The following DDX59 variants were observed in gnomAD, a reference collection of about 807,000 sequenced individuals.
The protein encoded by DDX59 is DEAD-box helicase 59.
A neutral mutation model predicts 51.9 loss-of-function variants in DDX59; 30 were observed. The ratio of observed to expected loss-of-function variants is 0.58; its 90% confidence interval spans 0.43 to 0.78. DDX59 has a LOEUF of 0.78. Ranked by LOEUF, DDX59 falls within the 30% of genes least tolerant of loss-of-function variation. The pLI, the probability that DDX59 is intolerant of heterozygous loss-of-function variation, is 0.00. For missense variants in DDX59, 672 were observed against 730.8 expected, an observed-to-expected ratio of 0.92 and a Z score of 0.93; for synonymous variants, 255 against 253.3, an observed-to-expected ratio of 1.01 and a Z score of -0.06.
At chr1:200,655,789 TC>T (rs546675730) in intron 4 of DDX59, among the ~76,000 whole-genome samples, 36 of 152,248 alleles carry the variant, frequency 2.4e-4, no homozygotes, top group Admixed American at 2.0e-3. Flanking sequence ...CATTTCTCCT[TC>T]TGACCTTATT....
chr1:200,649,010 A>C (rs1442060377), intron 6 of DDX59, 64 bp downstream of exon 6: 1 of 1,436,586 alleles, frequency 7.0e-7, no homozygotes, highest in Non-Finnish European at 9.2e-7. Flanking sequence ...TAATATGGTT[A>C]TCTCTTGAAA....
chr1:200,647,861 T>C (rs1302850197), intron 7 of DDX59, among the ~76,000 whole-genome samples: 3 of 151,280 alleles, frequency 2.0e-5, no homozygotes, highest in African/African-American at 7.3e-5. Context: ...GTAATCCAAG[T>C]TACTTGGGAG....
chr1:200,652,744 C>G (rs2102868081), intron 4 of DDX59, among the ~76,000 whole-genome samples: 1 of 150,014 alleles, frequency 6.7e-6, no homozygotes, highest in East Asian at 2.0e-4. Context: ...TCATGGCTCA[C>G]TGCAACTTCT....
chr1:200,656,817 G>A (rs748675059), intron 4 of DDX59, among the ~76,000 whole-genome samples: 2 of 152,198 alleles, frequency 1.3e-5, no homozygotes, highest in South Asian at 2.1e-4. Flanking sequence ...ACTTTGGGAG[G>A]CCAAGGCAGG....
At chr1:200,659,199 T>C in intron 3 of DDX59, 83 bp from the exon 4 acceptor site, 1 of 1,048,198 alleles carries the variant, frequency 9.5e-7, no homozygotes, top group Non-Finnish European at 1.5e-6. Context: ...GAGCAACTAA[T>C]ATGTACCAGA....
At chr1:200,652,559 G>A (rs554607971) in intron 4 of DDX59, among the ~76,000 whole-genome samples, 11 of 152,006 alleles carry the variant, frequency 7.2e-5, no homozygotes, top group Non-Finnish European at 1.3e-4. Flanking sequence ...AGTAGAGATG[G>A]GGTTTTGCTA....
At chr1:200,641,558 C>A (rs3924332), downstream of DDX59, among the ~76,000 whole-genome samples, 10,675 of 151,596 alleles carry the variant, frequency 0.07, 399 homozygotes, top group South Asian at 0.1. Context: ...CATGGTGAAA[C>A]CTTGTCTCTA....
intron 5 of DDX59, among the ~76,000 whole-genome samples, chr1:200,649,521 C>T (rs569878838): frequency 1.3e-5 from 2 of 148,636 alleles, no homozygotes; most frequent in South Asian, 2.2e-4. Context: ...CCCAGCTACT[C>T]GGGAGGCTGA....
intron 5 of DDX59, among the ~76,000 whole-genome samples, chr1:200,649,843 C>CT (rs777404977): frequency 0.018 from 2,472 of 140,000 alleles, 89 homozygotes; most frequent in African/African-American, 0.057. Flanking sequence ...TAACTTAATA[C>CT]TTTTTTTTTT....
At chr1:200,653,378 G>A (rs555331105) in intron 4 of DDX59, among the ~76,000 whole-genome samples, 17 of 152,240 alleles carry the variant, frequency 1.1e-4, no homozygotes, top group African/African-American at 4.1e-4. Flanking sequence ...TATTTCATCT[G>A]TTCTCTTTAC....
At chr1:200,659,828 C>A (rs1310019813) in intron 3 of DDX59, among the ~76,000 whole-genome samples, 3 of 152,080 alleles carry the variant, frequency 2.0e-5, no homozygotes, top group African/African-American at 7.2e-5. Flanking sequence ...ACTAGGATTA[C>A]AGGCATGCCA....
downstream of DDX59, among the ~76,000 whole-genome samples, chr1:200,641,897 G>C (rs1222164750): frequency 6.6e-6 from 1 of 152,180 alleles, no homozygotes; most frequent in Non-Finnish European, 1.5e-5. Flanking sequence ...CAGCTACTCA[G>C]GAGGCTGAGG....
At chr1:200,651,139 C>A (rs886759943) in intron 4 of DDX59, among the ~76,000 whole-genome samples, 3 of 151,738 alleles carry the variant, frequency 2.0e-5, no homozygotes, top group Non-Finnish European at 4.4e-5. Context: ...ATTGCTAATA[C>A]CAGGGAGAAG....
Position 200,666,413 on chromosome 1 carries a change from CA to C in DDX59, c.327del (p.Val110SerfsTer53). ...RWAEPGEPIC[V>X]VCGRYGEYIC... Reference sequence around the variant, plus strand: ...ATATACTCTCCATAACGACCACAGACAACACAGATGGGTTCCCCTGGTTCTG... The same window carrying C: ...ATATACTCTCCATAACGACCACAGACACACAGATGGGTTCCCCTGGTTCTG... On this transcript the variant is annotated frameshift_variant, in exon 2 of 8. Transcript: ENST00000331314. LOFTEE classifies it high-confidence loss of function. 6.2e-7 allele frequency: 1 copy of C among 1,614,226 alleles called. No homozygotes were observed. The highest frequency in any genetic ancestry group is 8.5e-7 in the Non-Finnish European group (1 of 1,180,044).
chr1:200,654,209 C>T (rs1356740161), intron 4 of DDX59, among the ~76,000 whole-genome samples: 1 of 151,976 alleles, frequency 6.6e-6, no homozygotes, highest in Non-Finnish European at 1.5e-5. Context: ...GTCAGGAGAT[C>T]GAGACTATCC....
chr1:200,657,860 T>C (rs1662131573), intron 4 of DDX59, among the ~76,000 whole-genome samples: 1 of 151,620 alleles, frequency 6.6e-6, no homozygotes, highest in East Asian at 1.9e-4. Context: ...GAGGTTGCAG[T>C]GAGCTGAGAT....
At chr1:200,648,970 T>TA (rs1661471570) in intron 6 of DDX59, 104 bp downstream of exon 6, 1 of 1,179,770 alleles carries the variant, frequency 8.5e-7, no homozygotes, top group Non-Finnish European at 1.2e-6. Flanking sequence ...TTGTAGTCAT[T>TA]AAAAGAGGAT....
In DDX59 at chr1:200,666,676, G is replaced by A. The variant is rs1199833251; in HGVS notation, c.65C>T (p.Ala22Val). The change falls in exon 2 of 8, where the codon GCT becomes GTT. Residue 22 changes from alanine to valine, a missense_variant. Transcript: ENST00000331314. ...NANDDGKSCV[A>V]KIIKPDPEDL... ...TTCTGGGTCTGGTTTAATTATCTTA[G>A]CCACACAACTTTTGCCATCATCATT... The A allele has an allele frequency of 1.2e-6, 2 of 1,614,016 alleles. No individual in the cohort carries two copies. The highest frequency in any genetic ancestry group is 1.7e-6 in the Non-Finnish European group (2 of 1,180,020).
chr1:200,644,592 T>C lies in DDX59; in HGVS notation c.1597-75A>G, dbSNP rs976485009. On this transcript the variant is annotated intron_variant, in intron 7 of 7. Coordinates refer to ENST00000331314, the MANE Select transcript of DDX59 (RefSeq NM_001031725.6). Reference sequence around the variant, plus strand: ...GTGTCTTTTGAAAGAAAATGAATAATATTACTTAAAGTAGCATTACTGGCT... The same window carrying C: ...GTGTCTTTTGAAAGAAAATGAATAACATTACTTAAAGTAGCATTACTGGCT... 14 of 1,495,240 alleles carry C rather than the reference T, an allele frequency of 9.4e-6. No individual in the cohort carries two copies. The East Asian group carries it at 3.3e-4, about 35-fold the overall frequency. 92.6% of individuals were successfully genotyped at this position (1,495,240 alleles called of 1,614,324 possible). A position where few individuals can be genotyped will look rare whatever the true frequency, so the allele number is the denominator to read the frequency against.
Sources: gnomAD v4.1 joint callset for allele counts (sites outside exome capture counted in the v4.1 genomes callset) on GRCh38, gnomAD v4.1.1 for gene constraint, MANE v1.5 for transcripts, NCBI Gene and HGNC (gene_info 2026-07-23, HGNC 2026-07-21) for gene names.